Variants in MRTFB observed in about 807,000 individuals in gnomAD.
The protein encoded by MRTFB is myocardin-related transcription factor B.
MRTFB carries 29 observed loss-of-function variants against 104.2 expected under a neutral mutation model. The observed-to-expected ratio is 0.28, with a 90% confidence interval of 0.21 to 0.38. The LOEUF is 0.38. MRTFB is among the 10% of genes least tolerant of loss of function. The pLI is 1.00. For synonymous variants in MRTFB, 535 were observed against 519.5 expected, an observed-to-expected ratio of 1.03 and a Z score of -0.41; for missense variants, 1,270 against 1,341.6, an observed-to-expected ratio of 0.95 and a Z score of 0.83.
At position 14,201,102 on chromosome 16, in the gene MRTFB, T is replaced by G; in HGVS notation, c.155-9141T>G. 2.2e-6 allele frequency: 3 copies of G among 1,385,990 alleles called. No homozygotes were observed. In the South Asian group the frequency reaches 4.6e-5, roughly 21 times the overall value. 85.9% of individuals were successfully genotyped at this position (1,385,990 alleles called of 1,614,324 possible). On this transcript the variant is annotated intron_variant, in intron 3 of 16. Coordinates refer to ENST00000571589, the MANE Select transcript of MRTFB (RefSeq NM_001308142.2). ...GGCTTTGTTTTTCCACTTAAAAACTTTATTTATAAAAAGGAAAAATAGTTT... is the reference window on the plus strand; with the variant it reads ...GGCTTTGTTTTTCCACTTAAAAACTGTATTTATAAAAAGGAAAAATAGTTT...
At chr16:14,005,719 T>C in the MRTFB span, among the ~76,000 whole-genome samples, 39 of 152,322 alleles carry the variant, frequency 2.6e-4, 1 homozygote, top group Middle Eastern at 3.4e-3. Flanking sequence ...AATGTTTTAT[T>C]GAGTGTGGGG....
the MRTFB span, among the ~76,000 whole-genome samples, chr16:14,023,487 A>G: frequency 6.6e-6 from 1 of 151,560 alleles, no homozygotes; most frequent in East Asian, 1.9e-4. Flanking sequence ...TTCTCTATTT[A>G]TTATGTGACC....
intron 3 of MRTFB, among the ~76,000 whole-genome samples, chr16:14,180,594 T>C (rs1597170188): frequency 6.6e-6 from 1 of 152,200 alleles, no homozygotes; most frequent in Non-Finnish European, 1.5e-5. Context: ...AACACTTGTG[T>C]TGCAGGCTGC....
chr16:14,244,675 T>C (rs570475053), intron 10 of MRTFB, among the ~76,000 whole-genome samples: 1 of 152,338 alleles, frequency 6.6e-6, no homozygotes, highest in East Asian at 1.9e-4. Flanking sequence ...CTTTCACTTA[T>C]TTATTGACCA....
intron 3 of MRTFB, among the ~76,000 whole-genome samples, chr16:14,172,405 T>G (rs1399863767): frequency 1.3e-5 from 2 of 152,248 alleles, no homozygotes; most frequent in Admixed American, 1.3e-4. Context: ...ATTGTATGGT[T>G]GTACCATAGT....
the MRTFB span, among the ~76,000 whole-genome samples, chr16:14,012,857 G>A: frequency 6.6e-5 from 10 of 152,094 alleles, no homozygotes; most frequent in African/African-American, 2.4e-4. Context: ...GGATGAGAAG[G>A]CAAACCGCCT....
chr16:14,020,000 G>T, the MRTFB span, among the ~76,000 whole-genome samples: 9 of 152,132 alleles, frequency 5.9e-5, 1 homozygote, highest in Admixed American at 4.6e-4. Context: ...TTATTAGGGC[G>T]CTATCAGGGC....
the MRTFB span, among the ~76,000 whole-genome samples, chr16:14,060,209 G>A: frequency 1.3e-5 from 2 of 151,806 alleles, no homozygotes; most frequent in African/African-American, 4.8e-5. Flanking sequence ...ATTTCACCAT[G>A]TTGGCCAGGC....
chr16:14,147,309 A>C (rs72785407), intron 3 of MRTFB, among the ~76,000 whole-genome samples: 8,900 of 152,288 alleles, frequency 0.058, 514 homozygotes, highest in East Asian at 0.3. Flanking sequence ...ACAACTGCAA[A>C]TGAAAATGTG....
the MRTFB span, among the ~76,000 whole-genome samples, chr16:14,004,625 A>G: frequency 3.2e-4 from 49 of 152,264 alleles, no homozygotes; most frequent in African/African-American, 1.1e-3. Flanking sequence ...ACTTTGGATG[A>G]CATTGAGACC....
At chr16:14,112,051 T>C (rs2036295883) in intron 2 of MRTFB, among the ~76,000 whole-genome samples, 1 of 152,156 alleles carries the variant, frequency 6.6e-6, no homozygotes, top group African/African-American at 2.4e-5. Context: ...AGTTCTTCAC[T>C]GTTCAAGGGC....
intron 2 of MRTFB, among the ~76,000 whole-genome samples, chr16:14,115,040 AAT>A (rs2036472980): frequency 6.6e-6 from 1 of 152,162 alleles, no homozygotes; most frequent in Admixed American, 6.5e-5. Flanking sequence ...GTGACCACTT[AAT>A]ATAAGTATTT....
At chr16:14,004,283 T>C in the MRTFB span, among the ~76,000 whole-genome samples, 96,292 of 152,094 alleles carry the variant, frequency 0.63, 31,401 homozygotes, top group African/African-American at 0.74. Flanking sequence ...CCGCCCATCC[T>C]GTTCCATGAT....
At chr16:14,122,743 G>C (rs1457591855) in intron 2 of MRTFB, among the ~76,000 whole-genome samples, 1 of 152,170 alleles carries the variant, frequency 6.6e-6, no homozygotes, top group Non-Finnish European at 1.5e-5. Context: ...TAGTGCCACA[G>C]TAAACATATG....
At chr16:14,072,541 G>C (rs940481228) in intron 1 of MRTFB, among the ~76,000 whole-genome samples, 1 of 152,148 alleles carries the variant, frequency 6.6e-6, no homozygotes, top group South Asian at 2.1e-4. Context: ...AAAAATTAGC[G>C]TGGTGTGGTG....
the MRTFB span, among the ~76,000 whole-genome samples, chr16:14,054,018 G>A: frequency 1.3e-5 from 2 of 152,088 alleles, no homozygotes; most frequent in Non-Finnish European, 2.9e-5. Flanking sequence ...TCAGTCATTT[G>A]AGAAACCTCC....
chr16:14,216,947 T>C (rs1408883442), intron 6 of MRTFB, among the ~76,000 whole-genome samples, 179 bp from the exon 7 acceptor site: 1 of 152,204 alleles, frequency 6.6e-6, no homozygotes. Flanking sequence ...TATCCAGAAC[T>C]AAAAAATACA....
At chr16:14,257,288 C>T (rs1393920196) in intron 15 of MRTFB, among the ~76,000 whole-genome samples, 1 of 152,134 alleles carries the variant, frequency 6.6e-6, no homozygotes, top group African/African-American at 2.4e-5. Context: ...AGGACCTGTA[C>T]ACAAATGTTC....
chr16:14,003,644 C>CCTGCCTGCCTGCCTGCCTG, the MRTFB span, among the ~76,000 whole-genome samples: 99 of 10,520 alleles, frequency 9.4e-3, no homozygotes, highest in Middle Eastern at 0.05. Context: ...CTGCCTGCCT[C>CCTGCCTGCCTGCCTGCCTG]CCTCCCTCCC....
Sources: gnomAD v4.1 joint callset for allele counts (sites outside exome capture counted in the v4.1 genomes callset) on GRCh38, gnomAD v4.1.1 for gene constraint, MANE v1.5 for transcripts, NCBI Gene and HGNC (gene_info 2026-07-23, HGNC 2026-07-21) for gene names.